The following MDGA2 variants were observed in gnomAD, a reference collection of about 807,000 sequenced individuals.
MDGA2 encodes MAM domain containing glycosylphosphatidylinositol anchor 2, also known as MAM domain-containing glycosylphosphatidylinositol anchor protein 2.
Under a neutral mutation model 117.8 loss-of-function variants are expected in MDGA2, and 40 were observed. That is an observed-to-expected ratio of 0.34 (90% CI 0.26 to 0.44). The LOEUF is 0.44. MDGA2 is among the 20% of genes least tolerant of loss of function. MDGA2 has a pLI of 1.00. For missense variants in MDGA2, 1,123 were observed against 1,250.6 expected (o/e 0.90, Z 1.54); for synonymous variants, 452 against 439.0 (o/e 1.03, Z -0.37).
intron 1 of MDGA2, among the ~76,000 whole-genome samples, chr14:47,362,710 A>G (rs1891150857): frequency 6.6e-6 from 1 of 152,040 alleles, no homozygotes; most frequent in Non-Finnish European, 1.5e-5. Flanking sequence ...CAACATTTCA[A>G]ATTTGGCTAT....
chr14:46,877,470 T>A lies in MDGA2; in HGVS notation c.2437+19A>T, dbSNP rs900732055. On this transcript the variant is annotated intron_variant, in intron 12 of 16. Transcript: ENST00000399232. ...ATTTATTAAATATAGTGCCATTTTGTAAGTTAAAATATACTTACTCAAATG... is the reference window on the plus strand; with the variant it reads ...ATTTATTAAATATAGTGCCATTTTGAAAGTTAAAATATACTTACTCAAATG... The A allele has an allele frequency of 7.3e-7, 1 of 1,370,316 alleles. No homozygotes were observed. The highest frequency in any genetic ancestry group is 1.0e-6 in the Non-Finnish European group (1 of 996,460). The allele number at this position is 1,370,316 out of a possible 1,614,324, so 84.9% of individuals were successfully genotyped here.
chr14:46,906,572 A>C (rs1457722986), intron 10 of MDGA2, among the ~76,000 whole-genome samples: 2 of 152,142 alleles, frequency 1.3e-5, no homozygotes, highest in South Asian at 2.1e-4. Flanking sequence ...AAATTTGGTA[A>C]GATTTCACTA....
At chr14:46,918,830 C>T (rs910954553) in intron 10 of MDGA2, among the ~76,000 whole-genome samples, 3 of 145,702 alleles carry the variant, frequency 2.1e-5, no homozygotes, top group Non-Finnish European at 4.4e-5. Context: ...GGCGCGACCT[C>T]GGCTCGCTGC....
intron 6 of MDGA2, among the ~76,000 whole-genome samples, chr14:47,064,657 TAGA>T (rs919200928): frequency 6.3e-4 from 96 of 151,950 alleles, no homozygotes; most frequent in African/African-American, 2.1e-3. Flanking sequence ...TTTATGAAAA[TAGA>T]AGGTGATAGA....
chr14:47,084,637 T>A (rs1336362720), intron 6 of MDGA2, among the ~76,000 whole-genome samples: 3 of 152,198 alleles, frequency 2.0e-5, no homozygotes, highest in Admixed American at 6.5e-5. Flanking sequence ...TTTGTGATAG[T>A]ATCAGGACGT....
At chr14:47,235,456 G>T (rs1886826350) in intron 2 of MDGA2, among the ~76,000 whole-genome samples, 1 of 152,124 alleles carries the variant, frequency 6.6e-6, no homozygotes, top group Non-Finnish European at 1.5e-5. Flanking sequence ...AGGCAGAGGG[G>T]ATCTTAAAAA....
chr14:47,426,636 A>G (rs1021141971), intron 1 of MDGA2, among the ~76,000 whole-genome samples: 1 of 149,838 alleles, frequency 6.7e-6, no homozygotes, highest in Non-Finnish European at 1.5e-5. Context: ...TTTTTGAAAA[A>G]GCATCTCTGT....
chr14:47,062,725 C>T (rs1219050185), intron 6 of MDGA2, among the ~76,000 whole-genome samples: 1 of 151,990 alleles, frequency 6.6e-6, no homozygotes, highest in Non-Finnish European at 1.5e-5. Context: ...ATAGCCCCTC[C>T]TTAGTTTAAC....
rs1255057950 is a variant in MDGA2 at position 47,053,639 on chromosome 14, A to G, written c.1525+7610T>C. ...TATATATATATATATATATATATAT[A>G]TATATATATATATATACACACACAC... On this transcript the variant is annotated intron_variant, in intron 7 of 16. Transcript: ENST00000399232. Among the ~76,000 whole-genome samples the G allele has an allele frequency of 8.0e-5, 6 of 75,258 alleles. 1 individual carries two copies. The highest frequency in any genetic ancestry group is 3.1e-4 in the African/African-American group (6 of 19,664). 49.4% of individuals were successfully genotyped at this position (75,258 alleles called of 152,430 possible).
intron 1 of MDGA2, among the ~76,000 whole-genome samples, chr14:47,381,753 G>C (rs59109640): frequency 0.012 from 1,856 of 152,242 alleles, 21 homozygotes; most frequent in Middle Eastern, 0.041. Flanking sequence ...TCATGGGTAC[G>C]AAGAATCAAC....
intron 3 of MDGA2, among the ~76,000 whole-genome samples, chr14:47,216,777 T>C (rs1361435772): frequency 6.6e-6 from 1 of 152,086 alleles, no homozygotes; most frequent in Non-Finnish European, 1.5e-5. Context: ...ACAAAAATAC[T>C]GAAAATATTT....
chr14:47,214,104 A>C (rs1885997100), intron 3 of MDGA2, among the ~76,000 whole-genome samples: 1 of 152,050 alleles, frequency 6.6e-6, no homozygotes, highest in Admixed American at 6.6e-5. Context: ...TGCATGATTC[A>C]ATTACCTCCA....
intron 1 of MDGA2, among the ~76,000 whole-genome samples, chr14:47,398,080 T>C (rs1892053794): frequency 6.6e-6 from 1 of 152,170 alleles, no homozygotes; most frequent in Admixed American, 6.5e-5. Flanking sequence ...TAAAATGAAA[T>C]GACGCTACTG....
intron 1 of MDGA2, among the ~76,000 whole-genome samples, chr14:47,372,573 G>A (rs1164698586): frequency 6.6e-6 from 1 of 151,840 alleles, no homozygotes; most frequent in African/African-American, 2.4e-5. Context: ...ATCCAGTGCT[G>A]GTGGAGAGAC....
At chr14:47,427,256 C>T (rs1362294101) in intron 1 of MDGA2, among the ~76,000 whole-genome samples, 1 of 152,158 alleles carries the variant, frequency 6.6e-6, no homozygotes, top group Non-Finnish European at 1.5e-5. Flanking sequence ...CTGCTCCCTT[C>T]CTCCCACATC....
intron 3 of MDGA2, among the ~76,000 whole-genome samples, chr14:47,198,815 T>A (rs1885386859): frequency 6.6e-6 from 1 of 152,216 alleles, no homozygotes; most frequent in South Asian, 2.1e-4. Context: ...ATGTGTCAAC[T>A]TGCCTAGGTT....
At chr14:47,251,931 G>GTATTATTATTAT (rs137890834) in intron 2 of MDGA2, among the ~76,000 whole-genome samples, 23 of 150,452 alleles carry the variant, frequency 1.5e-4, no homozygotes, top group East Asian at 1.2e-3. Context: ...GGTTTCTCTT[G>GTATTATTATTAT]TATTATTATT....
intron 1 of MDGA2, among the ~76,000 whole-genome samples, chr14:47,607,870 C>G (rs1467406076): frequency 6.6e-6 from 1 of 152,058 alleles, no homozygotes; most frequent in Non-Finnish European, 1.5e-5. Context: ...TAGAAATGGC[C>G]TAATCCAGCC....
Position 47,232,897 on chromosome 14 carries a change from G to A in MDGA2, c.421-14702C>T, listed in dbSNP as rs544551874. ...AGGAGGGCATTGGTAACTAAAGAGAGAAGTGGCACCATCAACAGAGTGTGA... is the reference window on the plus strand; with the variant it reads ...AGGAGGGCATTGGTAACTAAAGAGAAAAGTGGCACCATCAACAGAGTGTGA... On this transcript the variant is annotated intron_variant, in intron 2 of 16. Transcript: ENST00000399232. 1.4e-3 allele frequency among the ~76,000 whole-genome samples: 217 copies of A among 152,234 alleles called. 1 individual carries two copies. Among genetic ancestry groups the A allele is most frequent in the African/African-American group, 5.1e-3 (212 of 41,552 alleles).
Sources: gnomAD v4.1 joint callset for allele counts (sites outside exome capture counted in the v4.1 genomes callset) on GRCh38, gnomAD v4.1.1 for gene constraint, MANE v1.5 for transcripts, NCBI Gene and HGNC (gene_info 2026-07-23, HGNC 2026-07-21) for gene names.